The following EPHB2 variants were observed in gnomAD, a reference collection of about 807,000 sequenced individuals.
EPHB2 encodes ephrin type-B receptor 2.
In EPHB2, 18 loss-of-function variants were observed where a neutral mutation model predicts 96.4. The ratio of observed to expected loss-of-function variants is 0.19; its 90% CI spans 0.13 to 0.28. The LOEUF is 0.28. EPHB2 is among the 10% of genes least tolerant of loss of function. The pLI is 1.00. For synonymous variants in EPHB2, 506 were observed against 534.1 expected (o/e 0.95, Z 0.72); for missense variants, 989 against 1,355.4 (o/e 0.73, Z 4.25).
intron 5 of EPHB2, among the ~76,000 whole-genome samples, chr1:22,876,615 A>G (rs1183114334): frequency 6.6e-6 from 1 of 152,196 alleles, no homozygotes; most frequent in Non-Finnish European, 1.5e-5. Context: ...TGCAGGGGTC[A>G]CAGGGCACCA....
chr1:22,850,553 G>A (rs1645611460), intron 3 of EPHB2, among the ~76,000 whole-genome samples: 10 of 152,344 alleles, frequency 6.6e-5, no homozygotes, highest in Admixed American at 5.2e-4. Flanking sequence ...AAACACATCC[G>A]ACTTCCCCTC....
intron 3 of EPHB2, among the ~76,000 whole-genome samples, chr1:22,792,466 A>G (rs1644708413): frequency 6.6e-6 from 1 of 152,180 alleles, no homozygotes; most frequent in African/African-American, 2.4e-5. Flanking sequence ...GAAGGGAATT[A>G]GATAGGGACC....
chr1:22,767,379 T>C (rs1323944474), intron 1 of EPHB2, among the ~76,000 whole-genome samples: 1 of 152,166 alleles, frequency 6.6e-6, no homozygotes, highest in Non-Finnish European at 1.5e-5. Flanking sequence ...TGAAAGGAGT[T>C]TGGGTCACAC....
At chr1:22,851,922 C>G (rs1279279773) in intron 3 of EPHB2, among the ~76,000 whole-genome samples, 1 of 152,232 alleles carries the variant, frequency 6.6e-6, no homozygotes, top group African/African-American at 2.4e-5. Flanking sequence ...TGACCCACTC[C>G]CCTTTCTCAG....
chr1:22,744,180 C>T (rs201730949), intron 1 of EPHB2, among the ~76,000 whole-genome samples: 1 of 144,452 alleles, frequency 6.9e-6, no homozygotes, highest in Non-Finnish European at 1.5e-5. Flanking sequence ...ATAACCCCCC[C>T]ACCCCCGTGG....
At chr1:22,778,459 G>A (rs191664925) in intron 1 of EPHB2, among the ~76,000 whole-genome samples, 1 of 152,264 alleles carries the variant, frequency 6.6e-6, no homozygotes, top group East Asian at 1.9e-4. Flanking sequence ...TAGAGGGAGG[G>A]GTTAAAATTG....
chr1:22,869,363 T>C (rs1570413878), intron 5 of EPHB2, among the ~76,000 whole-genome samples: 2 of 152,052 alleles, frequency 1.3e-5, no homozygotes, highest in South Asian at 4.2e-4. Flanking sequence ...AGGATGTATG[T>C]CCTAGTTGGA....
At chr1:22,745,394 A>G (rs371949629) in intron 1 of EPHB2, among the ~76,000 whole-genome samples, 2 of 152,368 alleles carry the variant, frequency 1.3e-5, no homozygotes, top group South Asian at 4.1e-4. Flanking sequence ...AAAACCAGGC[A>G]AAACGAATCA....
At chr1:22,759,906 T>A (rs1644211482) in intron 1 of EPHB2, among the ~76,000 whole-genome samples, 2 of 152,148 alleles carry the variant, frequency 1.3e-5, no homozygotes, top group African/African-American at 4.8e-5. Context: ...GGCCTGCATG[T>A]GTGTCAGGGG....
chr1:22,720,669 C>CCG (rs1643438781), intron 1 of EPHB2, among the ~76,000 whole-genome samples: 1 of 114,416 alleles, frequency 8.7e-6, no homozygotes, highest in African/African-American at 3.1e-5. Flanking sequence ...TTCCCCCCCC[C>CCG]CCCCGCCCCA....
chr1:22,875,631 A>C lies in EPHB2; in HGVS notation c.1304-6728A>C, dbSNP rs1327646062. Among the ~76,000 whole-genome samples the C allele has an allele frequency of 6.6e-6, 1 of 151,002 alleles. No individual in the cohort carries two copies. The highest frequency in any genetic ancestry group is 2.1e-4 in the South Asian group (1 of 4,756). On this transcript the variant is annotated intron_variant, in intron 5 of 15. Coordinates refer to ENST00000374630, the MANE Select transcript of EPHB2 (RefSeq NM_017449.5). This position sits in a 1 kb window ranked among gnomAD's most constrained non-coding sequence, Gnocchi z 4.2. Reference sequence around the variant, plus strand: ...TCCCTTCCTTCCTCCTTCCTTCCTCACTTTCTCCCTTCCTTCCTCCTTCCT... The same window carrying C: ...TCCCTTCCTTCCTCCTTCCTTCCTCCCTTTCTCCCTTCCTTCCTCCTTCCT...
At chr1:22,873,240 G>A (rs900202536) in intron 5 of EPHB2, among the ~76,000 whole-genome samples, 2 of 152,158 alleles carry the variant, frequency 1.3e-5, no homozygotes, top group Non-Finnish European at 1.5e-5. Context: ...CATCTGCTCC[G>A]GGTCACTCGG....
chr1:22,803,929 A>G (rs372400388), intron 3 of EPHB2, among the ~76,000 whole-genome samples: 1 of 138,840 alleles, frequency 7.2e-6, no homozygotes, highest in Middle Eastern at 3.6e-3. Flanking sequence ...AAAAAAAAAA[A>G]GTGTTTAGAG....
intron 6 of EPHB2, among the ~76,000 whole-genome samples, chr1:22,883,752 C>T (rs537463493): frequency 1.3e-5 from 2 of 152,164 alleles, no homozygotes; most frequent in South Asian, 2.1e-4. Context: ...CAGCCTTTGC[C>T]GGCCGTCTTA....
intron 1 of EPHB2, among the ~76,000 whole-genome samples, chr1:22,747,082 C>T (rs1462511671): frequency 6.6e-6 from 1 of 152,054 alleles, no homozygotes; most frequent in Non-Finnish European, 1.5e-5. Flanking sequence ...ATTGGCTGGC[C>T]CCAGATCACA....
At chr1:22,792,093 T>C (rs1644702080) in intron 3 of EPHB2, among the ~76,000 whole-genome samples, 2 of 152,042 alleles carry the variant, frequency 1.3e-5, no homozygotes, top group Non-Finnish European at 2.9e-5. Flanking sequence ...CAGGGGTCCT[T>C]TCTGGGCCTT....
In EPHB2 at chr1:22,901,820, A is replaced by AGTGTGTGTGTGTGTGTGT. The variant is rs57503593; in HGVS notation, c.1766-4158_1766-4141dup. On this transcript the variant is annotated intron_variant, in intron 9 of 15. Coordinates refer to ENST00000374630, the MANE Select transcript of EPHB2 (RefSeq NM_017449.5). ...ATTTAACTTCGTGTGTGTGTGTGTG[A>AGTGTGTGTGTGTGTGTGT]GTGTGTGTGTGTGTGTGTGTGTGTG... is the stretch of plus-strand genomic sequence containing the variant. 2.3e-3 allele frequency among the ~76,000 whole-genome samples: 348 copies of AGTGTGTGTGTGTGTGTGT among 148,566 alleles called. 2 individuals are homozygous for AGTGTGTGTGTGTGTGTGT. The highest frequency in any genetic ancestry group is 8.2e-3 in the African/African-American group (330 of 40,192).
intron 1 of EPHB2, among the ~76,000 whole-genome samples, chr1:22,750,393 C>T (rs1046515167): frequency 2.0e-5 from 3 of 152,164 alleles, no homozygotes; most frequent in Non-Finnish European, 2.9e-5. Flanking sequence ...TTTCTGGAGT[C>T]CTGGGTCACC....
At chr1:22,855,265 T>C (rs1249143602) in intron 3 of EPHB2, among the ~76,000 whole-genome samples, 1 of 152,222 alleles carries the variant, frequency 6.6e-6, no homozygotes, top group Non-Finnish European at 1.5e-5. Flanking sequence ...CAAGACTCTT[T>C]TCTCCATCCA....
Sources: gnomAD v4.1 joint callset for allele counts (sites outside exome capture counted in the v4.1 genomes callset) on GRCh38, gnomAD v4.1.1 for gene constraint, Gnocchi (gnomAD v3.1) non-coding constraint, MANE v1.5 for transcripts, NCBI Gene and HGNC (gene_info 2026-07-23, HGNC 2026-07-21) for gene names.